The following SDHAF3 variants were observed in gnomAD, a reference collection of about 807,000 sequenced individuals.
SDHAF3 encodes the protein succinate dehydrogenase complex assembly factor 3.
SDHAF3 carries 18 observed loss-of-function variants against 11.5 expected under a neutral mutation model. The observed-to-expected ratio is 1.56, with a 90% CI of 1.08 to 2.32. SDHAF3 has a LOEUF of 2.32. Ranked by LOEUF, SDHAF3 falls within the 30% of genes most tolerant of loss-of-function variation. The pLI, the probability that SDHAF3 is intolerant of heterozygous loss-of-function variation, is 0.00. For missense variants in SDHAF3, 200 were observed against 154.4 expected, an observed-to-expected ratio of 1.30 and a Z score of -1.57; for synonymous variants, 72 against 59.3, an observed-to-expected ratio of 1.21 and a Z score of -0.99.
At chr7:97,133,128 A>G (rs1272568290) in intron 1 of SDHAF3, among the ~76,000 whole-genome samples, 1 of 152,150 alleles carries the variant, frequency 6.6e-6, no homozygotes, top group African/African-American at 2.4e-5. Context: ...TGAAGAAGTA[A>G]TATTTAGTGA....
chr7:97,124,596 A>G (rs1030167418), intron 1 of SDHAF3, among the ~76,000 whole-genome samples: 2 of 152,150 alleles, frequency 1.3e-5, no homozygotes, highest in Non-Finnish European at 2.9e-5. Context: ...CAGTATGGCC[A>G]TTTTAGCAAT....
At chr7:97,169,141 C>T (rs1039790375) in intron 1 of SDHAF3, among the ~76,000 whole-genome samples, 11 of 152,058 alleles carry the variant, frequency 7.2e-5, no homozygotes, top group Non-Finnish European at 1.2e-4. Context: ...GCCTGGCCAG[C>T]GTGTTGAAAC....
intron 1 of SDHAF3, among the ~76,000 whole-genome samples, chr7:97,124,502 T>A (rs532018084): frequency 1.3e-5 from 2 of 152,350 alleles, no homozygotes; most frequent in African/African-American, 4.8e-5. Flanking sequence ...CACATGAAAT[T>A]TAAAGTAATT....
intron 1 of SDHAF3, among the ~76,000 whole-genome samples, chr7:97,130,622 G>T (rs574121001): frequency 2.0e-4 from 31 of 152,332 alleles, no homozygotes; most frequent in Non-Finnish European, 4.1e-4. Context: ...GTCACGTGTG[G>T]CCGCAGCCCT....
Position 97,117,761 on chromosome 7 carries a change from A to C in SDHAF3, c.38A>C (p.Tyr13Ser). ...CACGTTTCTCGAGTCCGGGCATTGT[A>C]CAAGCGCGTCTTGCAGCTGCACCGT... ...GRHVSRVRAL[Y>S]KRVLQLHRVL... Residue 13 changes from tyrosine (Y) to serine (S), a missense_variant, in exon 1 of 2, where the codon TAC (tyrosine) becomes TCC (serine). Physicochemically the swap from Tyr to Ser is moderately radical, Grantham distance 144. Transcript: ENST00000432641. 1.2e-6 allele frequency: 2 copies of C among 1,614,172 alleles called. No homozygotes were observed. Among genetic ancestry groups the C allele is most frequent in the East Asian group, 4.5e-5 (2 of 44,884 alleles).
intron 1 of SDHAF3, among the ~76,000 whole-genome samples, chr7:97,180,226 G>GTAAT (rs1789748814): frequency 6.6e-6 from 1 of 152,200 alleles, no homozygotes; most frequent in South Asian, 2.1e-4. Flanking sequence ...AATTAAAATT[G>GTAAT]TAATTGAAGA....
chr7:97,120,583 C>G (rs1212509445), intron 1 of SDHAF3, among the ~76,000 whole-genome samples: 1 of 151,094 alleles, frequency 6.6e-6, no homozygotes, highest in African/African-American at 2.4e-5. Flanking sequence ...CTTTATTTTT[C>G]AGTTAGTGCT....
chr7:97,133,060 A>C (rs2115641607), intron 1 of SDHAF3, among the ~76,000 whole-genome samples: 1 of 152,292 alleles, frequency 6.6e-6, no homozygotes, highest in South Asian at 2.1e-4. Flanking sequence ...ATTTACTTCC[A>C]GGGGAAACCT....
At chr7:97,172,912 T>C (rs1789624806) in intron 1 of SDHAF3, among the ~76,000 whole-genome samples, 1 of 152,214 alleles carries the variant, frequency 6.6e-6, no homozygotes, top group Admixed American at 6.5e-5. Context: ...GGTCCCCTTT[T>C]GGGGATTGGT....
intron 1 of SDHAF3, among the ~76,000 whole-genome samples, chr7:97,148,762 G>T (rs942199647): frequency 2.0e-5 from 3 of 152,040 alleles, no homozygotes; most frequent in Non-Finnish European, 4.4e-5. Flanking sequence ...AGATAACCTA[G>T]AATAAAAATG....
chr7:97,157,007 A>C (rs1789312164), intron 1 of SDHAF3, among the ~76,000 whole-genome samples: 1 of 151,326 alleles, frequency 6.6e-6, no homozygotes, highest in African/African-American at 2.4e-5. Flanking sequence ...CCCTGTGTCC[A>C]TGTATTCTCA....
At chr7:97,125,335 C>T (rs909302380) in intron 1 of SDHAF3, among the ~76,000 whole-genome samples, 4 of 152,050 alleles carry the variant, frequency 2.6e-5, no homozygotes, top group Non-Finnish European at 5.9e-5. Flanking sequence ...CAATTTTAGG[C>T]GTTTCTCACT....
At chr7:97,169,521 ATAAT>A (rs1242684144) in intron 1 of SDHAF3, among the ~76,000 whole-genome samples, 1 of 152,162 alleles carries the variant, frequency 6.6e-6, no homozygotes, top group Non-Finnish European at 1.5e-5. Flanking sequence ...TATAATGTAA[ATAAT>A]TTGTTATAAA....
chr7:97,125,854 T>C (rs1238891602), intron 1 of SDHAF3, among the ~76,000 whole-genome samples: 1 of 152,246 alleles, frequency 6.6e-6, no homozygotes, highest in Non-Finnish European at 1.5e-5. Context: ...AAACTCATTC[T>C]CCATCCAGTT....
chr7:97,180,915 G>A (rs1789761044), intron 1 of SDHAF3, 97 bp from the exon 2 acceptor site: 2 of 1,033,634 alleles, frequency 1.9e-6, no homozygotes, highest in Non-Finnish European at 2.8e-6. Context: ...ATTTACTGAT[G>A]AGGAAAAATA....
chr7:97,122,777 G>A (rs188123548), intron 1 of SDHAF3, among the ~76,000 whole-genome samples: 189 of 152,184 alleles, frequency 1.2e-3, no homozygotes, highest in South Asian at 2.3e-3. Context: ...ACAGAGATTT[G>A]GAAGTTATTA....
intron 1 of SDHAF3, among the ~76,000 whole-genome samples, chr7:97,148,745 G>A (rs1187297031): frequency 6.6e-6 from 1 of 152,040 alleles, no homozygotes; most frequent in Admixed American, 6.6e-5. Flanking sequence ...CTTTTTATAT[G>A]TGCGTAAGAT....
At chr7:97,141,957 G>A (rs1483584245) in intron 1 of SDHAF3, among the ~76,000 whole-genome samples, 1 of 148,858 alleles carries the variant, frequency 6.7e-6, no homozygotes, top group Non-Finnish European at 1.5e-5. Context: ...AAAGAAAAAT[G>A]AGTGATTATT....
chr7:97,152,667 T>G (rs1789243572), intron 1 of SDHAF3, among the ~76,000 whole-genome samples: 1 of 143,790 alleles, frequency 7.0e-6, no homozygotes, highest in African/African-American at 2.6e-5. Context: ...TTATTTATTT[T>G]GAGATGGAGT....
Sources: allele counts gnomAD v4.1 joint callset (sites outside exome capture counted in the v4.1 genomes callset), GRCh38; gene constraint gnomAD v4.1.1; transcripts MANE v1.5; gene names NCBI Gene and HGNC (gene_info 2026-07-23, HGNC 2026-07-21).